Variants in HSP90AA1 observed in about 807,000 individuals in gnomAD.
HSP90AA1 encodes heat shock protein 90 alpha family class A member 1.
In HSP90AA1, 18 loss-of-function variants were observed where a neutral mutation model predicts 73.3. The observed-to-expected ratio is 0.25, with a 90% confidence interval of 0.17 to 0.36. The LOEUF is 0.36. Among genes scored for constraint, HSP90AA1 ranks in the 10% least tolerant of loss-of-function variants. The pLI, the probability that HSP90AA1 is intolerant of heterozygous loss-of-function variation, is 1.00. For missense variants in HSP90AA1, 704 were observed against 874.2 expected (o/e 0.81, Z 2.45); for synonymous variants, 477 against 296.9 (o/e 1.61, Z -6.24).
At chr14:102,112,965 A>G (rs1395096765) in intron 1 of HSP90AA1, among the ~76,000 whole-genome samples, 6 of 152,008 alleles carry the variant, frequency 3.9e-5, no homozygotes, top group Non-Finnish European at 8.8e-5. Flanking sequence ...CTCCCTGTAC[A>G]GCCTGTTTTC....
intron 2 of HSP90AA1, among the ~76,000 whole-genome samples, chr14:102,097,441 C>T (rs575456514): frequency 4.6e-5 from 7 of 152,028 alleles, no homozygotes; most frequent in East Asian, 1.9e-4. Context: ...ATCTCCCTTA[C>T]GACTATAGGG....
At chr14:102,087,455 G>T (rs1247488163), upstream of HSP90AA1, among the ~76,000 whole-genome samples, 1 of 151,920 alleles carries the variant, frequency 6.6e-6, no homozygotes, top group Non-Finnish European at 1.5e-5. Flanking sequence ...GGTCACCCGG[G>T]CTGAGCGGAA....
chr14:102,085,650 T>A (rs1185746132), intron 3 of HSP90AA1, 108 bp downstream of exon 3: 13 of 1,533,124 alleles, frequency 8.5e-6, no homozygotes, highest in Admixed American at 1.7e-5. Flanking sequence ...TTCCTGATCG[T>A]TGGGCAAACA....
chr14:102,132,944 G>C (rs986986316), intron 1 of HSP90AA1, among the ~76,000 whole-genome samples: 9 of 148,696 alleles, frequency 6.1e-5, no homozygotes, highest in Non-Finnish European at 1.2e-4. Flanking sequence ...TGGGCCACAG[G>C]GCCAGACTCT....
chr14:102,083,360 G>C (rs1292657572), intron 8 of HSP90AA1, 58 bp from the exon 9 acceptor site: 2 of 1,584,960 alleles, frequency 1.3e-6, no homozygotes, highest in Non-Finnish European at 1.7e-6. Context: ...GTTTCATCTA[G>C]CTCTGACTTT....
At chr14:102,083,732 T>TAAAAAAAA in intron 7 of HSP90AA1, 39 bp from the exon 8 acceptor site, 17 of 1,400,520 alleles carry the variant, frequency 1.2e-5, no homozygotes, top group Admixed American at 2.2e-5. Flanking sequence ...CTTTCTGAAT[T>TAAAAAAAA]AAAAAAAAAA....
At chr14:102,098,625 C>T (rs1041972325) in intron 2 of HSP90AA1, among the ~76,000 whole-genome samples, 4 of 151,790 alleles carry the variant, frequency 2.6e-5, no homozygotes, top group African/African-American at 7.3e-5. Context: ...CACCACACCC[C>T]GCTAATTTTT....
chr14:102,091,633 A>C (rs1318602722), upstream of HSP90AA1, among the ~76,000 whole-genome samples: 4 of 151,784 alleles, frequency 2.6e-5, no homozygotes, highest in Admixed American at 2.6e-4. Flanking sequence ...CAAAAAAACA[A>C]ACAAACAAAA....
chr14:102,087,016 CA>C lies in HSP90AA1; in HGVS notation c.-32del, dbSNP rs2049259879. On this transcript the variant is annotated 5_prime_UTR_variant, in exon 1 of 11. Transcript: ENST00000216281. ...CTAAGTGACCGCACAGGACCAACGG[CA>C]CAGCCACACCGGGACGCTGAAGCAA... The C allele has an allele frequency of 1.8e-5, 18 of 985,326 alleles. No individual in the cohort carries two copies. The highest frequency in any genetic ancestry group is 1.2e-4 in the Admixed American group (2 of 16,256). The allele number at this position is 985,326 out of a possible 1,614,324, so 61.0% of individuals were successfully genotyped here.
intron 3 of HSP90AA1, 98 bp downstream of exon 3, chr14:102,085,660 A>T: frequency 6.4e-7 from 1 of 1,567,940 alleles, no homozygotes; most frequent in Non-Finnish European, 8.8e-7. Context: ...TTGGGCAAAC[A>T]CAAATTCTGT....
chr14:102,083,654 A>G lies in HSP90AA1; in HGVS notation c.1378T>C (p.Ser460Pro). ...GATGTGTAGTACCTTAACAGCTCTG[A>G]AAGCTTCTTCCGATTTTGAGAGTCT... ...HEDSQNRKKL[S>P]ELLRYYTSAS... The change falls in exon 8 of 11, where the codon TCA becomes CCA. Residue 460 changes from serine to proline, a missense_variant. Physicochemically the swap from Ser to Pro is moderately conservative, Grantham distance 74. Coordinates refer to ENST00000216281, the MANE Select transcript of HSP90AA1 (RefSeq NM_005348.4). 1 of 1,613,728 alleles carries G rather than the reference A, an allele frequency of 6.2e-7. No homozygotes were observed. The highest frequency in any genetic ancestry group is 8.5e-7 in the Non-Finnish European group (1 of 1,179,706).
At chr14:102,096,482 C>T (rs2049426444) in intron 2 of HSP90AA1, among the ~76,000 whole-genome samples, 1 of 152,216 alleles carries the variant, frequency 6.6e-6, no homozygotes, top group South Asian at 2.1e-4. Flanking sequence ...GGGTTGTTCT[C>T]CAAATGCACC....
upstream of HSP90AA1, among the ~76,000 whole-genome samples, chr14:102,090,537 C>T (rs1323224125): frequency 1.3e-5 from 2 of 152,050 alleles, no homozygotes; most frequent in Non-Finnish European, 2.9e-5. Flanking sequence ...ACAAGCTCCG[C>T]CTCCCGGGTT....
chr14:102,099,109 C>T (rs1398324958), intron 2 of HSP90AA1, among the ~76,000 whole-genome samples: 1 of 152,182 alleles, frequency 6.6e-6, no homozygotes, highest in Admixed American at 6.5e-5. Context: ...AATCATAATG[C>T]TAAGTTCATA....
At chr14:102,119,575 G>A (rs1181197602) in intron 1 of HSP90AA1, among the ~76,000 whole-genome samples, 3 of 152,062 alleles carry the variant, frequency 2.0e-5, no homozygotes, top group South Asian at 2.1e-4. Flanking sequence ...TGCAACTTCC[G>A]CCTCCCAGGT....
chr14:102,115,955 CTT>C (rs369667667), intron 1 of HSP90AA1, among the ~76,000 whole-genome samples: 10 of 142,002 alleles, frequency 7.0e-5, no homozygotes, highest in Admixed American at 2.1e-4. Flanking sequence ...GACCGAGCAT[CTT>C]TTTTTTTTTT....
At chr14:102,083,750 A>C (rs975860790) in intron 7 of HSP90AA1, 43 bp downstream of exon 7, 2 of 1,534,846 alleles carry the variant, frequency 1.3e-6, no homozygotes, top group Middle Eastern at 1.7e-4. Context: ...AAAAAAAAAA[A>C]CTAAAGAGGC....
chr14:102,098,459 C>CTTTT (rs55683551), intron 2 of HSP90AA1, among the ~76,000 whole-genome samples: 4 of 75,462 alleles, frequency 5.3e-5, no homozygotes, highest in Non-Finnish European at 7.4e-5. Flanking sequence ...TGCACCTGGC[C>CTTTT]TTTTTTTTTT....
At chr14:102,090,580 G>A (rs1007883053), upstream of HSP90AA1, among the ~76,000 whole-genome samples, 2 of 151,950 alleles carry the variant, frequency 1.3e-5, no homozygotes, top group South Asian at 4.2e-4. Context: ...CTCCCTAGTA[G>A]CTGGGACTAC....
Sources: gnomAD v4.1 joint callset for allele counts (sites outside exome capture counted in the v4.1 genomes callset) on GRCh38, gnomAD v4.1.1 for gene constraint, MANE v1.5 for transcripts, NCBI Gene and HGNC (gene_info 2026-07-23, HGNC 2026-07-21) for gene names.